VSIG1: variants seen among roughly 807,000 people sequenced by gnomAD.
The protein encoded by VSIG1 is V-set and immunoglobulin domain-containing protein 1.
In VSIG1, 11 loss-of-function variants were observed where a neutral mutation model predicts 20.1. That is an observed-to-expected ratio of 0.55 (90% CI 0.34 to 0.91). The LOEUF (loss-of-function observed/expected upper bound fraction) is 0.91, where lower values mean the gene tolerates loss of function less well. Among genes scored for constraint, VSIG1 ranks in the 40% least tolerant of loss-of-function variants. VSIG1 has a pLI of 0.02. For synonymous variants in VSIG1, 126 were observed against 116.7 expected, an observed-to-expected ratio of 1.08 and a Z score of -0.52; for missense variants, 283 against 298.8, an observed-to-expected ratio of 0.95 and a Z score of 0.39.
At chrX:108,061,595 T>A in intron 2 of VSIG1, 1 of 955,590 alleles carries the variant, frequency 1.0e-6, no homozygotes, top group Non-Finnish European at 1.5e-6. Flanking sequence ...TCCAGGGCAC[T>A]GGCACCAGCT....
At chrX:108,073,645 A>C (rs935513363) in intron 5 of VSIG1, 1 of 231,607 alleles carries the variant, frequency 4.3e-6, no homozygotes, top group Non-Finnish European at 7.6e-6. Context: ...ACTAAAAAAG[A>C]AGCCTTTCTG....
In VSIG1 at chrX:108,077,345, C is replaced by T; in HGVS notation, c.1128C>T (p.Pro376=). The T allele has an allele frequency of 8.3e-7, 1 of 1,211,782 alleles. No homozygotes were observed. Among genetic ancestry groups the T allele is most frequent in the Non-Finnish European group, 1.1e-6 (1 of 895,490 alleles). The change falls in exon 7 of 7, where the codon CCC becomes CCT. Residue 376 remains proline, a synonymous_variant. Transcript: ENST00000217957. ...PESEPGVVVE[P]LSEDEKGVVK... Reference sequence around the variant, plus strand: ...CAGAGCCTGGGGTTGTAGTTGAGCCCTTAAGTGAAGATGAAAAGGGAGTGG... The same window carrying T: ...CAGAGCCTGGGGTTGTAGTTGAGCCTTTAAGTGAAGATGAAAAGGGAGTGG...
At chrX:108,045,511 G>C (rs372411735) in intron 1 of VSIG1, among the ~76,000 whole-genome samples, 1 of 112,747 alleles carries the variant, frequency 8.9e-6, no homozygotes, top group East Asian at 2.8e-4. Context: ...TTTTGTCTCT[G>C]TTTTACTTAC....
At chrX:108,034,121 G>A in the VSIG1 span, among the ~76,000 whole-genome samples, 176 of 110,796 alleles carry the variant, frequency 1.6e-3, no homozygotes, top group Non-Finnish European at 3.0e-3. Flanking sequence ...GGGCTGAACT[G>A]GGCAGGAAGA....
intron 3 of VSIG1, among the ~76,000 whole-genome samples, chrX:108,071,754 G>A (rs915279913): frequency 2.2e-4 from 24 of 110,236 alleles, no homozygotes; most frequent in African/African-American, 7.0e-4. Context: ...GAAGGCATGG[G>A]TGCTTGCTGA....
intron 6 of VSIG1, 122 bp from the exon 7 acceptor site, chrX:108,076,926 A>G: frequency 1.4e-6 from 1 of 710,737 alleles, no homozygotes. Context: ...AATATCAGAA[A>G]TAACAGATTT....
At chrX:108,019,527 CAG>C in the VSIG1 span, among the ~76,000 whole-genome samples, 1 of 112,253 alleles carries the variant, frequency 8.9e-6, no homozygotes, top group Non-Finnish European at 1.9e-5. Context: ...CAGCCATAGG[CAG>C]AGAGTTGAGG....
At chrX:108,034,760 C>G in the VSIG1 span, among the ~76,000 whole-genome samples, 1 of 111,784 alleles carries the variant, frequency 8.9e-6, no homozygotes, top group Admixed American at 9.5e-5. Flanking sequence ...AAACAAAGCA[C>G]AAAGAAATTA....
chrX:108,073,001 A>G (rs1384280198), intron 4 of VSIG1, among the ~76,000 whole-genome samples, 169 bp downstream of exon 4: 1 of 110,437 alleles, frequency 9.1e-6, no homozygotes, highest in Non-Finnish European at 1.9e-5. Context: ...GTCTCCCAAC[A>G]CGATGATTGT....
the VSIG1 span, among the ~76,000 whole-genome samples, chrX:108,032,169 C>G: frequency 1.8e-5 from 2 of 112,733 alleles, no homozygotes; most frequent in African/African-American, 6.4e-5. Context: ...AGTGCTTACT[C>G]TGCTGTATCG....
upstream of VSIG1, among the ~76,000 whole-genome samples, chrX:108,043,026 G>A (rs914873663): frequency 2.7e-5 from 3 of 111,276 alleles, no homozygotes; most frequent in African/African-American, 9.8e-5. Context: ...AGATATTCTG[G>A]GGAATGAGAC....
intron 1 of VSIG1, among the ~76,000 whole-genome samples, chrX:108,053,090 C>A (rs1325462897): frequency 8.9e-6 from 1 of 111,984 alleles, no homozygotes; most frequent in African/African-American, 3.2e-5. Context: ...TAATTAAATT[C>A]TCAGTTGAAG....
At chrX:108,019,741 T>C in the VSIG1 span, among the ~76,000 whole-genome samples, 6 of 112,187 alleles carry the variant, frequency 5.3e-5, no homozygotes, top group African/African-American at 1.9e-4. Flanking sequence ...AATGGTGCTA[T>C]GCTGACACTA....
At chrX:108,021,525 A>G in the VSIG1 span, among the ~76,000 whole-genome samples, 1 of 112,323 alleles carries the variant, frequency 8.9e-6, no homozygotes, top group Non-Finnish European at 1.9e-5. Context: ...CACTTTTTTG[A>G]TAATGTCCTT....
intron 1 of VSIG1, among the ~76,000 whole-genome samples, chrX:108,048,780 T>G (rs1039809859): frequency 8.9e-5 from 10 of 112,298 alleles, no homozygotes; most frequent in African/African-American, 3.2e-4. Context: ...TAAAGTCAGT[T>G]CCTCAGTTTC....
At chrX:108,060,838 G>A (rs1446987096) in intron 2 of VSIG1, among the ~76,000 whole-genome samples, 1 of 112,267 alleles carries the variant, frequency 8.9e-6, no homozygotes, top group Admixed American at 9.4e-5. Context: ...CAGTGAATGC[G>A]AGCTTTTATT....
Position 108,072,711 on chromosome X carries a change from A to G in VSIG1, c.447A>G (p.Gly149=). Reference sequence around the variant, plus strand: ...CTAAGCCCCTTTGTAGCGTTCAAGGAAGACCAGAAACTGGCCACACTATTT... The same window carrying G: ...CTAAGCCCCTTTGTAGCGTTCAAGGGAGACCAGAAACTGGCCACACTATTT... ...KPSKPLCSVQ[G]RPETGHTISL... is the part of the protein sequence containing the mutation. Residue 149 remains glycine, a synonymous_variant, in exon 4 of 7, where the codon GGA becomes GGG. Coordinates refer to ENST00000217957, the MANE Select transcript of VSIG1 (RefSeq NM_182607.5). 3 of 1,211,490 alleles carry G rather than the reference A, an allele frequency of 2.5e-6. No individual in the cohort carries two copies. Among genetic ancestry groups the G allele is most frequent in the Admixed American group, 4.3e-5 (2 of 46,040 alleles).
At chrX:108,076,282 C>T in intron 6 of VSIG1, 64 bp downstream of exon 6, 1 of 1,122,869 alleles carries the variant, frequency 8.9e-7, no homozygotes, top group Non-Finnish European at 1.2e-6. Flanking sequence ...CTTTTTCAGT[C>T]ATCAATTCCT....
rs185166103 is a variant in VSIG1 at position 108,076,938 on chromosome X, C to T, written c.831-110C>T. ...CAGAATATCAGAAATAACAGATTTC[C>T]TGAAGTCTGGGACCTATGGTCATTG... On this transcript the variant is annotated intron_variant, in intron 6 of 6. Coordinates refer to ENST00000217957, the MANE Select transcript of VSIG1 (RefSeq NM_182607.5). 1.3e-3 allele frequency: 978 copies of T among 773,299 alleles called. 8 individuals carry two copies. The African/African-American group carries it at 0.018, about 14-fold the overall frequency. 63.7% of individuals were successfully genotyped at this position (773,299 alleles called of 1,213,427 possible).
Sources: allele counts gnomAD v4.1 joint callset (sites outside exome capture counted in the v4.1 genomes callset), GRCh38; gene constraint gnomAD v4.1.1; transcripts MANE v1.5; gene names NCBI Gene and HGNC (gene_info 2026-07-23, HGNC 2026-07-21).